ZMYM4: variants seen among roughly 807,000 people sequenced by gnomAD.
ZMYM4 encodes zinc finger MYM-type containing 4.
A neutral mutation model predicts 183.2 loss-of-function variants in ZMYM4; 31 were observed. That is an observed-to-expected ratio of 0.17 (90% CI 0.13 to 0.23). ZMYM4 has a LOEUF of 0.23. Among genes scored for constraint, ZMYM4 ranks in the 10% least tolerant of loss-of-function variants. ZMYM4 has a pLI of 1.00. For synonymous variants in ZMYM4, 592 were observed against 631.2 expected, an observed-to-expected ratio of 0.94 and a Z score of 0.93; for missense variants, 1,273 against 1,840.3, an observed-to-expected ratio of 0.69 and a Z score of 5.64.
intron 26 of ZMYM4, among the ~76,000 whole-genome samples, chr1:35,408,674 C>T (rs1460227628): frequency 1.3e-5 from 2 of 152,114 alleles, no homozygotes; most frequent in African/African-American, 4.8e-5. Flanking sequence ...GAGTTTAAGG[C>T]TGCAGTAAGC....
chr1:35,397,510 C>T lies in ZMYM4; in HGVS notation c.3164C>T (p.Ala1055Val). The change falls in exon 20 of 30, where the codon GCA becomes GTA. Residue 1055 changes from alanine (A) to valine (V), a missense_variant. By Grantham distance (64) the Ala-to-Val change is moderately conservative. Coordinates refer to ENST00000314607, the MANE Select transcript of ZMYM4 (RefSeq NM_005095.3). ...CTCCTTGAGATGGCAGAAATGATTGCAGAAGATGAAGAGAAGAAGACTCTA... is the reference window on the plus strand; with the variant it reads ...CTCCTTGAGATGGCAGAAATGATTGTAGAAGATGAAGAGAAGAAGACTCTA... ...ADLLEMAEMI[A>V]EDEEKKTLSQ... 6.2e-7 allele frequency: 1 copy of T among 1,612,800 alleles called. No homozygotes were observed. The highest frequency in any genetic ancestry group is 1.1e-5 in the South Asian group (1 of 90,848).
intron 1 of ZMYM4, among the ~76,000 whole-genome samples, chr1:35,276,722 T>G (rs1570223555): frequency 6.6e-6 from 1 of 152,200 alleles, no homozygotes; most frequent in East Asian, 1.9e-4. Context: ...ATTTTCCTGC[T>G]TCAGCCTCCC....
At chr1:35,367,440 G>T (rs1418821477) in intron 5 of ZMYM4, among the ~76,000 whole-genome samples, 1 of 151,880 alleles carries the variant, frequency 6.6e-6, no homozygotes, top group Non-Finnish European at 1.5e-5. Context: ...TGTTGGCCAG[G>T]CTGGTCTCAG....
chr1:35,394,948 C>G (rs2148999728), intron 18 of ZMYM4, among the ~76,000 whole-genome samples: 1 of 151,782 alleles, frequency 6.6e-6, no homozygotes, highest in Middle Eastern at 3.4e-3. Flanking sequence ...ACCATCTCTA[C>G]TAAAAAATTT....
chr1:35,331,533 C>T (rs977142213), intron 2 of ZMYM4, among the ~76,000 whole-genome samples: 2 of 152,062 alleles, frequency 1.3e-5, no homozygotes, highest in Non-Finnish European at 2.9e-5. Flanking sequence ...CGCCTGTAAT[C>T]CCAGCACTTT....
chr1:35,405,555 TA>T (rs1644987502), intron 25 of ZMYM4, 87 bp downstream of exon 25: 4 of 1,081,438 alleles, frequency 3.7e-6, no homozygotes, highest in African/African-American at 3.3e-5. Flanking sequence ...TAAAATTATT[TA>T]AAATTTAGAG....
intron 7 of ZMYM4, among the ~76,000 whole-genome samples, chr1:35,378,870 A>T (rs1247175276): frequency 6.6e-6 from 1 of 152,166 alleles, no homozygotes; most frequent in Non-Finnish European, 1.5e-5. Flanking sequence ...TTGCTGCTTC[A>T]CCTTGTACTT....
At chr1:35,341,749 T>G (rs889324477) in intron 2 of ZMYM4, among the ~76,000 whole-genome samples, 1 of 152,102 alleles carries the variant, frequency 6.6e-6, no homozygotes, top group Non-Finnish European at 1.5e-5. Flanking sequence ...ATTAAAGTAG[T>G]AGTGACTTTT....
At chr1:35,320,161 G>A (rs1011667557) in intron 1 of ZMYM4, among the ~76,000 whole-genome samples, 8 of 152,234 alleles carry the variant, frequency 5.3e-5, no homozygotes, top group African/African-American at 1.9e-4. Context: ...GTACTAATGA[G>A]TGACTTGGGC....
At chr1:35,302,997 A>G (rs1228234118) in intron 1 of ZMYM4, among the ~76,000 whole-genome samples, 1 of 150,998 alleles carries the variant, frequency 6.6e-6, no homozygotes, top group African/African-American at 2.4e-5. Flanking sequence ...AAAATTATCC[A>G]GGGCATAGTG....
intron 1 of ZMYM4, among the ~76,000 whole-genome samples, chr1:35,318,572 C>T (rs1324829301): frequency 6.6e-6 from 1 of 152,164 alleles, no homozygotes; most frequent in Non-Finnish European, 1.5e-5. Flanking sequence ...ATTCTTCTGC[C>T]TCAGCCTCCC....
chr1:35,390,632 A>G (rs1459052971), intron 15 of ZMYM4, among the ~76,000 whole-genome samples: 1 of 152,218 alleles, frequency 6.6e-6, no homozygotes, highest in African/African-American at 2.4e-5. Flanking sequence ...CAGAGGGGAT[A>G]TGATGGCTTA....
chr1:35,308,780 G>A (rs560893954), intron 1 of ZMYM4, among the ~76,000 whole-genome samples: 23 of 152,268 alleles, frequency 1.5e-4, no homozygotes, highest in South Asian at 4.1e-4. Context: ...AGGTTTGCTT[G>A]AACGTGGGGG....
intron 9 of ZMYM4, among the ~76,000 whole-genome samples, chr1:35,383,233 A>G (rs1644504174): frequency 2.0e-5 from 3 of 152,126 alleles, no homozygotes; most frequent in South Asian, 2.1e-4. Flanking sequence ...TAAATGCTAT[A>G]TATATTTCTA....
chr1:35,393,123 A>G (rs1286764321), intron 17 of ZMYM4, among the ~76,000 whole-genome samples: 1 of 152,218 alleles, frequency 6.6e-6, no homozygotes, highest in African/African-American at 2.4e-5. Flanking sequence ...AAATAATGAG[A>G]AAAACTTCTG....
chr1:35,310,253 G>C lies in ZMYM4; in HGVS notation c.40-15107G>C, dbSNP rs571294017. 19 of 174,676 alleles carry C rather than the reference G, an allele frequency of 1.1e-4. No homozygotes were observed. In the South Asian group the frequency reaches 2.1e-3, roughly 19 times the overall value. The allele number at this position is 174,676 out of a possible 1,614,324, so 10.8% of individuals were successfully genotyped here. On this transcript the variant is annotated intron_variant, in intron 1 of 29. Transcript: ENST00000314607. ...GTCCAAGCATTTTATGGTTATCTTT[G>C]AATGTCTTACTTTTATTATGAAGGC...
rs543218432 is a variant in ZMYM4, at chr1:35,337,196, T to TA, written c.85+11800dup. 3.5e-3 allele frequency among the ~76,000 whole-genome samples: 531 copies of TA among 150,336 alleles called. 2 individuals carry two copies. Among genetic ancestry groups the TA allele is most frequent in the Non-Finnish European group, 4.9e-3 (333 of 67,414 alleles). On this transcript the variant is annotated intron_variant, in intron 2 of 29. Coordinates refer to ENST00000314607, the MANE Select transcript of ZMYM4 (RefSeq NM_005095.3). ...CAACATGGTGAAACCCCATCTCCGC[T>TA]AAAAAAAAATACGAAATTAGCTGGA...
At chr1:35,373,444 C>G (rs1202285298) in intron 7 of ZMYM4, among the ~76,000 whole-genome samples, 1 of 149,078 alleles carries the variant, frequency 6.7e-6, no homozygotes, top group Non-Finnish European at 1.5e-5. Context: ...GTGGCGCAGT[C>G]TCGGCTCACT....
chr1:35,317,095 CT>C (rs1642078169), intron 1 of ZMYM4, among the ~76,000 whole-genome samples: 1 of 146,542 alleles, frequency 6.8e-6, no homozygotes, highest in Non-Finnish European at 1.5e-5. Flanking sequence ...GCACTCCAGC[CT>C]GGGGGACAAG....
Sources: allele counts gnomAD v4.1 joint callset (sites outside exome capture counted in the v4.1 genomes callset), GRCh38; gene constraint gnomAD v4.1.1; transcripts MANE v1.5; gene names NCBI Gene and HGNC (gene_info 2026-07-23, HGNC 2026-07-21).